The following POU3F3 variants were observed in gnomAD, a reference collection of about 807,000 sequenced individuals.
POU3F3 encodes POU class 3 homeobox 3.
A neutral mutation model predicts 8.6 loss-of-function variants in POU3F3; 1 was observed. The ratio of observed to expected loss-of-function variants is 0.12; its 90% CI spans 0.04 to 0.55. The LOEUF is 0.55. POU3F3 is among the 20% of genes least tolerant of loss of function. POU3F3 has a pLI of 0.91. For missense variants in POU3F3, 577 were observed against 690.7 expected, an observed-to-expected ratio of 0.84 and a Z score of 1.84; for synonymous variants, 418 against 327.4, an observed-to-expected ratio of 1.28 and a Z score of -2.99.
chr2:104,912,304 A>G, the POU3F3 span, among the ~76,000 whole-genome samples: 2 of 152,200 alleles, frequency 1.3e-5, no homozygotes, highest in African/African-American at 2.4e-5. Context: ...GGAAGCCTCC[A>G]TCGTAGCTGA....
chr2:104,862,703 A>G (rs2104345373), downstream of POU3F3, among the ~76,000 whole-genome samples: 1 of 152,286 alleles, frequency 6.6e-6, no homozygotes, highest in Admixed American at 6.5e-5. Flanking sequence ...AAAACGCACG[A>G]ACCTTTCTCA....
Position 104,855,820 on chromosome 2 carries a change from G to A in POU3F3, c.310G>A (p.Ala104Thr). The change falls in exon 1 of 1, where the codon GCC becomes ACC. Residue 104 changes from alanine to threonine, a missense_variant. Ala to Thr is a moderately conservative substitution (Grantham distance 58, BLOSUM62 0). Coordinates refer to ENST00000361360, the MANE Select transcript of POU3F3 (RefSeq NM_006236.3). ...AHQWVTALPH[A>T]AAAAAAAAAA... is the part of the protein sequence containing the mutation. ...CCAGTGGGTCACAGCCCTGCCCCACGCCGCCGCCGCCGCCGCCGCTGCCGC... is the reference window on the plus strand; with the variant it reads ...CCAGTGGGTCACAGCCCTGCCCCACACCGCCGCCGCCGCCGCCGCTGCCGC... The A allele has an allele frequency of 9.3e-7, 1 of 1,078,936 alleles. No homozygotes were observed. The highest frequency in any genetic ancestry group is 2.8e-5 in the South Asian group (1 of 35,516). 66.8% of individuals were successfully genotyped at this position (1,078,936 alleles called of 1,614,324 possible).
Position 104,856,053 on chromosome 2 carries a change from G to A in POU3F3, c.543G>A (p.Gln181=), listed in dbSNP as rs1264642211. ...GACCCCCGCCGCCGCCCCCACACCA[G>A]GGCCACCCTGGGGGCTGGGGGGCGG... ...HLGPPPPPPH[Q]GHPGGWGAAA... Residue 181 remains glutamine, a synonymous_variant, in exon 1 of 1, where the codon CAG becomes CAA. Transcript: ENST00000361360. The A allele has an allele frequency of 9.0e-6, 9 of 997,174 alleles. No individual in the cohort carries two copies. The African/African-American group carries it at 1.6e-4, about 18-fold the overall frequency. 61.8% of individuals were successfully genotyped at this position (997,174 alleles called of 1,614,324 possible). A position where few individuals can be genotyped will look rare whatever the true frequency, so the allele number is the denominator to read the frequency against.
chr2:104,863,949 C>T, the POU3F3 span, among the ~76,000 whole-genome samples: 3 of 152,232 alleles, frequency 2.0e-5, no homozygotes, highest in African/African-American at 4.8e-5. Context: ...GTGGAAGTTT[C>T]GCGCCGCCAG....
the POU3F3 span, among the ~76,000 whole-genome samples, chr2:104,912,223 C>T: frequency 6.6e-6 from 1 of 152,128 alleles, no homozygotes; most frequent in African/African-American, 2.4e-5. Flanking sequence ...CAGAACCTAG[C>T]GCATTGTGGG....
chr2:104,862,975 C>T (rs1275091315), downstream of POU3F3, among the ~76,000 whole-genome samples: 2 of 151,334 alleles, frequency 1.3e-5, no homozygotes, highest in African/African-American at 2.4e-5. Flanking sequence ...GAAAAAATAA[C>T]GGCTTTCAAG....
Position 104,855,161 on chromosome 2 carries a change from A to C in POU3F3, c.-350A>C, listed in dbSNP as rs1676523587. On this transcript the variant is annotated 5_prime_UTR_variant, in exon 1 of 1. Coordinates refer to ENST00000361360, the MANE Select transcript of POU3F3 (RefSeq NM_006236.3). ...ACGACCCCCCCTGAAGGGGGTGGCC[A>C]CGGAGCGCACCCCGAGAAGCGAGCC... Among the ~76,000 whole-genome samples, 1 of 151,526 alleles carries C rather than the reference A, an allele frequency of 6.6e-6. No individual in the cohort carries two copies. The highest frequency in any genetic ancestry group is 1.5e-5 in the Non-Finnish European group (1 of 67,832).
At chr2:104,913,067 C>T in the POU3F3 span, among the ~76,000 whole-genome samples, 2 of 152,102 alleles carry the variant, frequency 1.3e-5, no homozygotes, top group African/African-American at 2.4e-5. Context: ...TGAATGGCCA[C>T]GGGATTGCAA....
the POU3F3 span, among the ~76,000 whole-genome samples, chr2:104,863,904 G>T: frequency 6.6e-6 from 1 of 152,260 alleles, no homozygotes; most frequent in African/African-American, 2.4e-5. Flanking sequence ...TGGGACTGCG[G>T]AGTGGAGGCA....
the POU3F3 span, among the ~76,000 whole-genome samples, chr2:104,881,433 T>C: frequency 6.6e-6 from 1 of 152,158 alleles, no homozygotes. Flanking sequence ...CCCAAAGTGT[T>C]GGGATTACAG....
At chr2:104,882,897 C>T in the POU3F3 span, among the ~76,000 whole-genome samples, 6 of 152,236 alleles carry the variant, frequency 3.9e-5, no homozygotes, top group East Asian at 1.2e-3. Flanking sequence ...GGAAGCTTTG[C>T]AAAGAGTATT....
chr2:104,871,731 G>A, the POU3F3 span, among the ~76,000 whole-genome samples: 1 of 152,078 alleles, frequency 6.6e-6, no homozygotes, highest in Admixed American at 6.5e-5. Flanking sequence ...TCTCCAGATG[G>A]GATCATAAAG....
chr2:104,905,399 T>G, the POU3F3 span, among the ~76,000 whole-genome samples: 1 of 152,334 alleles, frequency 6.6e-6, no homozygotes, highest in East Asian at 1.9e-4. Flanking sequence ...CTACTATAAC[T>G]GTCTGCTGAA....
At chr2:104,871,225 T>G in the POU3F3 span, among the ~76,000 whole-genome samples, 312 of 152,370 alleles carry the variant, frequency 2.0e-3, 1 homozygote, top group African/African-American at 7.2e-3. Context: ...AGTTACACTT[T>G]GCGTAACTTG....
the POU3F3 span, among the ~76,000 whole-genome samples, chr2:104,875,344 C>G: frequency 5.3e-4 from 81 of 152,308 alleles, no homozygotes; most frequent in South Asian, 0.016. Context: ...TTCTTTTCAG[C>G]GTGTACCCAG....
the POU3F3 span, chr2:104,872,110 C>T: frequency 2.5e-5 from 10 of 403,474 alleles, no homozygotes; most frequent in South Asian, 1.7e-4. This position sits in a 1 kb window ranked among gnomAD's most constrained non-coding sequence, Gnocchi z 4.6. Flanking sequence ...GCTCGGGAAA[C>T]TTGGCTTCAA....
downstream of POU3F3, among the ~76,000 whole-genome samples, chr2:104,861,721 T>A (rs1237048191): frequency 1.3e-5 from 2 of 152,120 alleles, no homozygotes; most frequent in South Asian, 4.1e-4. Flanking sequence ...TTGTTGTCGT[T>A]GTTGTTGCTG....
the POU3F3 span, among the ~76,000 whole-genome samples, chr2:104,892,925 T>C: frequency 6.6e-6 from 1 of 152,010 alleles, no homozygotes; most frequent in Non-Finnish European, 1.5e-5. Flanking sequence ...ACAGCTCTCT[T>C]TGAGAGGTTT....
chr2:104,865,375 T>C, the POU3F3 span: 3 of 152,324 alleles, frequency 2.0e-5, no homozygotes, highest in African/African-American at 7.2e-5. Flanking sequence ...GTCCTAACAC[T>C]AGACATGATT....
Sources: allele counts gnomAD v4.1 joint callset (sites outside exome capture counted in the v4.1 genomes callset), GRCh38; gene constraint gnomAD v4.1.1; non-coding constraint Gnocchi (gnomAD v3.1); transcripts MANE v1.5; gene names NCBI Gene and HGNC (gene_info 2026-07-23, HGNC 2026-07-21).